IL12RB2: variants seen among roughly 807,000 people sequenced by gnomAD.
IL12RB2 encodes interleukin 12 receptor subunit beta 2, also known as interleukin-12 receptor subunit beta-2.
Under a neutral mutation model 89.4 loss-of-function variants are expected in IL12RB2, and 82 were observed. That is an observed-to-expected ratio of 0.92 (90% CI 0.77 to 1.10). The LOEUF is 1.10. IL12RB2 is among the 50% of genes least tolerant of loss of function. The probability of loss-of-function intolerance (pLI) is 0.00; values close to 1 mark genes in which losing one functional copy is unlikely to be tolerated. For synonymous variants in IL12RB2, 368 were observed against 370.1 expected (o/e 0.99, Z 0.07); for missense variants, 963 against 1,031.9 (o/e 0.93, Z 0.92).
At chr1:67,319,882 C>T (rs763943587) in intron 2 of IL12RB2, among the ~76,000 whole-genome samples, 8 of 152,008 alleles carry the variant, frequency 5.3e-5, no homozygotes, top group Non-Finnish European at 8.8e-5. Flanking sequence ...AAAAGAGATC[C>T]CAGAGAGCTC....
Position 67,338,631 on chromosome 1 carries a change from T to C in IL12RB2, c.966T>C (p.Thr322=). 6.8e-7 allele frequency: 1 copy of C among 1,473,806 alleles called. No individual in the cohort carries two copies. Among genetic ancestry groups the C allele is most frequent in the Non-Finnish European group, 9.5e-7 (1 of 1,051,626 alleles). 91.3% of individuals were successfully genotyped at this position (1,473,806 alleles called of 1,614,324 possible). The change falls in exon 9 of 17, where the codon ACT becomes ACC. Residue 322 remains threonine (T), a synonymous_variant. Transcript: ENST00000674203. ...LRAQTPEEEP[T]GMLDVWYMKR... ...TTTTCTCCTTTGAAACAGAGCCTACTGGGATGTTAGATGTCTGGTACATGA... is the reference window on the plus strand; with the variant it reads ...TTTTCTCCTTTGAAACAGAGCCTACCGGGATGTTAGATGTCTGGTACATGA...
chr1:67,371,426 A>G (rs923839451), intron 11 of IL12RB2, among the ~76,000 whole-genome samples: 23 of 152,170 alleles, frequency 1.5e-4, no homozygotes, highest in African/African-American at 5.1e-4. Context: ...GAAAAAAAAA[A>G]AAGTTAAACC....
chr1:67,323,260 A>T (rs6697387), intron 4 of IL12RB2, among the ~76,000 whole-genome samples: 8,000 of 152,286 alleles, frequency 0.053, 257 homozygotes, highest in African/African-American at 0.076. Flanking sequence ...AACTAGGCCA[A>T]GTACTCACCT....
chr1:67,310,287 GTTTGTT>G (rs111719791), intron 1 of IL12RB2, among the ~76,000 whole-genome samples: 2,391 of 151,744 alleles, frequency 0.016, 55 homozygotes, highest in African/African-American at 0.051. Flanking sequence ...TGTAACAGTG[GTTTGTT>G]TTTGTTTTTG....
chr1:67,393,290 C>T (rs1298669299), intron 16 of IL12RB2, among the ~76,000 whole-genome samples: 1 of 152,216 alleles, frequency 6.6e-6, no homozygotes, highest in Non-Finnish European at 1.5e-5. Context: ...GGAGTGTTAT[C>T]TAGCTTGTAA....
chr1:67,322,484 G>C (rs959200084), intron 4 of IL12RB2, among the ~76,000 whole-genome samples: 2 of 151,078 alleles, frequency 1.3e-5, no homozygotes, highest in Admixed American at 1.3e-4. Context: ...CATGGGAAGG[G>C]GGCATGGGGC....
intron 2 of IL12RB2, among the ~76,000 whole-genome samples, chr1:67,317,307 A>G (rs1458673688): frequency 6.6e-6 from 1 of 152,174 alleles, no homozygotes; most frequent in Non-Finnish European, 1.5e-5. Flanking sequence ...AGACCTGCAG[A>G]TTTTGGCTTA....
chr1:67,378,565 A>C (rs1664217379), intron 13 of IL12RB2, among the ~76,000 whole-genome samples: 1 of 152,190 alleles, frequency 6.6e-6, no homozygotes, highest in African/African-American at 2.4e-5. Context: ...AAAAATGTTA[A>C]GTGAGGCCAG....
intron 10 of IL12RB2, among the ~76,000 whole-genome samples, chr1:67,355,152 G>A (rs904999634): frequency 2.6e-5 from 4 of 152,072 alleles, no homozygotes; most frequent in African/African-American, 7.2e-5. Context: ...CGTGGCTCAC[G>A]CCTGTAATCC....
intron 13 of IL12RB2, 130 bp downstream of exon 13, chr1:67,372,913 A>G: frequency 1.3e-6 from 1 of 742,234 alleles, no homozygotes; most frequent in Non-Finnish European, 2.5e-6. Context: ...GTACTCCATA[A>G]ATACTTGTAA....
At chr1:67,317,699 A>G (rs532607844) in intron 2 of IL12RB2, among the ~76,000 whole-genome samples, 1 of 152,314 alleles carries the variant, frequency 6.6e-6, no homozygotes, top group Admixed American at 6.5e-5. Flanking sequence ...TGTCTACCAC[A>G]GGGATGTTTA....
chr1:67,321,893 A>G lies in IL12RB2; in HGVS notation c.364+4A>G, dbSNP rs1179922986. ...GGAGCAGAGATCTTCGTTGGTGGTGAGCATTCCATTTTGAATTTTTAAAAC... is the reference window on the plus strand; with the variant it reads ...GGAGCAGAGATCTTCGTTGGTGGTGGGCATTCCATTTTGAATTTTTAAAAC... On this transcript the variant is annotated splice_donor_region_variant and intron_variant, in intron 4 of 16. Transcript: ENST00000674203. 1.2e-6 allele frequency: 2 copies of G among 1,612,080 alleles called. No homozygotes were observed. The highest frequency in any genetic ancestry group is 1.7e-6 in the Non-Finnish European group (2 of 1,178,220).
chr1:67,392,623 CTTTTTTTTTTTT>C (rs527587132), intron 16 of IL12RB2, among the ~76,000 whole-genome samples: 7 of 84,248 alleles, frequency 8.3e-5, no homozygotes, highest in Non-Finnish European at 6.4e-5. Flanking sequence ...TTTTAGATAT[CTTTTTTTTTTTT>C]TTTTTTTTTT....
intron 9 of IL12RB2, among the ~76,000 whole-genome samples, chr1:67,347,853 G>A (rs373783108): frequency 2.0e-5 from 3 of 152,238 alleles, no homozygotes; most frequent in East Asian, 3.9e-4. Flanking sequence ...TGGATACTGC[G>A]CACCGCTCTC....
At chr1:67,374,777 CTTTTT>C (rs35122967) in intron 13 of IL12RB2, among the ~76,000 whole-genome samples, 4 of 53,840 alleles carry the variant, frequency 7.4e-5, no homozygotes, top group African/African-American at 2.2e-4. Context: ...AGCCCAGCCT[CTTTTT>C]TTTTTTTTTT....
chr1:67,317,081 C>A (rs1383270995), intron 2 of IL12RB2, among the ~76,000 whole-genome samples: 1 of 151,994 alleles, frequency 6.6e-6, no homozygotes, highest in Non-Finnish European at 1.5e-5. Flanking sequence ...ATAAGACTCA[C>A]CCAGTCTAAA....
At chr1:67,311,678 AG>A (rs1239682568) in intron 1 of IL12RB2, among the ~76,000 whole-genome samples, 1 of 152,226 alleles carries the variant, frequency 6.6e-6, no homozygotes, top group African/African-American at 2.4e-5. Context: ...AAATATCAGG[AG>A]ATACTGAGAT....
In IL12RB2 at chr1:67,330,751, T is replaced by C. The variant is rs531721361; in HGVS notation, c.899T>C (p.Leu300Pro). Residue 300 changes from leucine (L) to proline (P), a missense_variant, in exon 8 of 17, where the codon CTT (leucine) becomes CCT (proline). Coordinates refer to ENST00000674203, the MANE Select transcript of IL12RB2 (RefSeq NM_001374259.2). ...TTTCAGATTTCCTCTAAGCTACATC[T>C]TTATAAGGGAAGTTGGAGTGATTGG... ...YEFQISSKLH[L>P]YKGSWSDWSE... The C allele has an allele frequency of 6.4e-7, 1 of 1,559,406 alleles. No individual in the cohort carries two copies. The highest frequency in any genetic ancestry group is 1.7e-5 in the Admixed American group (1 of 59,942).
chr1:67,372,421 C>T lies in IL12RB2; in HGVS notation c.1460-15C>T. On this transcript the variant is annotated splice_polypyrimidine_tract_variant and intron_variant, in intron 11 of 16. Transcript: ENST00000674203. ...TAATGGCACGGCTGTTATGGGAATT[C>T]CCTTTTCCTTGCAGAGAACATAAAA... 2 of 1,386,360 alleles carry T rather than the reference C, an allele frequency of 1.4e-6. No homozygotes were observed. Among genetic ancestry groups the T allele is most frequent in the Non-Finnish European group, 1.0e-6 (1 of 971,918 alleles). The allele number at this position is 1,386,360 out of a possible 1,614,324, so 85.9% of individuals were successfully genotyped here. A position where few individuals can be genotyped will look rare whatever the true frequency, so the allele number is the denominator to read the frequency against.
Sources: allele counts gnomAD v4.1 joint callset (sites outside exome capture counted in the v4.1 genomes callset), GRCh38; gene constraint gnomAD v4.1.1; transcripts MANE v1.5; gene names NCBI Gene and HGNC (gene_info 2026-07-23, HGNC 2026-07-21).